AKAP6: variants seen among roughly 807,000 people sequenced by gnomAD.
AKAP6 encodes A-kinase anchoring protein 6, also known as A-kinase anchor protein 6.
Under a neutral mutation model 188.5 loss-of-function variants are expected in AKAP6, and 58 were observed. The ratio of observed to expected loss-of-function variants is 0.31; its 90% CI spans 0.25 to 0.38. The LOEUF (loss-of-function observed/expected upper bound fraction) is 0.38, where lower values mean the gene tolerates loss of function less well. Ranked by LOEUF, AKAP6 falls within the 10% of genes least tolerant of loss-of-function variation. The pLI is 1.00. For synonymous variants in AKAP6, 989 were observed against 998.6 expected, an observed-to-expected ratio of 0.99 and a Z score of 0.18; for missense variants, 2,710 against 2,740.0, an observed-to-expected ratio of 0.99 and a Z score of 0.24.
intron 1 of AKAP6, among the ~76,000 whole-genome samples, chr14:32,378,194 AG>A (rs5807652): frequency 0.92 from 140,767 of 152,210 alleles, 65,468 homozygotes; most frequent in East Asian, 1. Context: ...CATATTATAT[AG>A]GGGAAAAAAC....
intron 1 of AKAP6, among the ~76,000 whole-genome samples, chr14:32,405,909 T>G (rs181791149): frequency 6.6e-6 from 1 of 152,358 alleles, no homozygotes; most frequent in East Asian, 1.9e-4. Flanking sequence ...ATACACACTC[T>G]TTTAAATTTT....
At chr14:32,349,382 T>C (rs945463428) in intron 1 of AKAP6, among the ~76,000 whole-genome samples, 3 of 152,218 alleles carry the variant, frequency 2.0e-5, no homozygotes, top group Non-Finnish European at 1.5e-5. Context: ...TCTGCATAGA[T>C]GCTTGGAAAG....
chr14:32,381,363 G>A (rs1888354838), intron 1 of AKAP6, among the ~76,000 whole-genome samples: 1 of 151,900 alleles, frequency 6.6e-6, no homozygotes. Context: ...AATCAGTAAG[G>A]TCTTCTTATG....
intron 1 of AKAP6, among the ~76,000 whole-genome samples, chr14:32,360,753 A>G (rs528593662): frequency 0.016 from 1,375 of 83,610 alleles, 15 homozygotes; most frequent in Non-Finnish European, 0.024. Flanking sequence ...GTGTGTGTGC[A>G]TGCATTTTTT....
At chr14:32,790,331 A>G (rs1351875598) in intron 12 of AKAP6, among the ~76,000 whole-genome samples, 3 of 152,208 alleles carry the variant, frequency 2.0e-5, no homozygotes, top group Non-Finnish European at 1.5e-5. Context: ...TCCCCAACCT[A>G]CCAAGACAGG....
intron 1 of AKAP6, among the ~76,000 whole-genome samples, chr14:32,369,797 G>A (rs1234709758): frequency 1.3e-5 from 2 of 152,174 alleles, no homozygotes; most frequent in East Asian, 1.9e-4. Flanking sequence ...TTGGGAGGCC[G>A]AGGTGGGTGG....
intron 7 of AKAP6, among the ~76,000 whole-genome samples, chr14:32,628,843 T>G (rs962061498): frequency 6.6e-6 from 1 of 152,152 alleles, no homozygotes; most frequent in Non-Finnish European, 1.5e-5. Flanking sequence ...AAGGTAGCAG[T>G]ATCTGTGAAA....
At chr14:32,721,078 A>G (rs529595050) in intron 9 of AKAP6, among the ~76,000 whole-genome samples, 10 of 152,288 alleles carry the variant, frequency 6.6e-5, no homozygotes, top group Admixed American at 6.5e-4. Context: ...ACATAATTGC[A>G]TAACTATTTT....
At chr14:32,329,662 A>G (rs1886469328) in intron 1 of AKAP6, among the ~76,000 whole-genome samples, 1 of 152,148 alleles carries the variant, frequency 6.6e-6, no homozygotes, top group Non-Finnish European at 1.5e-5. Flanking sequence ...AGAATTTTTC[A>G]TAAACATAAG....
chr14:32,527,723 A>G (rs990533364), intron 2 of AKAP6, among the ~76,000 whole-genome samples: 1 of 151,960 alleles, frequency 6.6e-6, no homozygotes, highest in African/African-American at 2.4e-5. Context: ...CCATCTTTTC[A>G]TATTCTTATT....
At chr14:32,457,488 C>T (rs999058727) in intron 2 of AKAP6, among the ~76,000 whole-genome samples, 1 of 152,144 alleles carries the variant, frequency 6.6e-6, no homozygotes, top group Non-Finnish European at 1.5e-5. Context: ...CCTCTCCCAT[C>T]ATACCCAGTA....
intron 12 of AKAP6, among the ~76,000 whole-genome samples, chr14:32,783,144 C>T (rs926843749): frequency 6.6e-6 from 1 of 151,952 alleles, no homozygotes; most frequent in African/African-American, 2.4e-5. Context: ...AGTACAAAGG[C>T]AATTCAATGA....
chr14:32,797,802 C>T (rs2033817004), intron 12 of AKAP6, among the ~76,000 whole-genome samples: 1 of 151,438 alleles, frequency 6.6e-6, no homozygotes, highest in African/African-American at 2.4e-5. Context: ...AAAAACAACC[C>T]TAGAAGAAAA....
At chr14:32,786,453 G>A (rs966738558) in intron 12 of AKAP6, among the ~76,000 whole-genome samples, 41 of 150,254 alleles carry the variant, frequency 2.7e-4, no homozygotes, top group Non-Finnish European at 2.5e-4. Context: ...GACTACAGGC[G>A]CCCACCACCA....
intron 7 of AKAP6, among the ~76,000 whole-genome samples, chr14:32,657,337 G>A (rs12437429): frequency 0.23 from 34,531 of 152,060 alleles, 4,955 homozygotes; most frequent in South Asian, 0.36. Context: ...AGAGAGAAGC[G>A]CAACCCTCGG....
At chr14:32,795,223 C>A (rs2033730876) in intron 12 of AKAP6, among the ~76,000 whole-genome samples, 1 of 152,146 alleles carries the variant, frequency 6.6e-6, no homozygotes, top group Non-Finnish European at 1.5e-5. Flanking sequence ...GAGCTGGTGT[C>A]ATTTCTACAG....
chr14:32,592,808 C>A (rs1375196778), intron 5 of AKAP6, among the ~76,000 whole-genome samples: 1 of 152,094 alleles, frequency 6.6e-6, no homozygotes, highest in East Asian at 1.9e-4. Flanking sequence ...TTAACATTTC[C>A]CGTCATCTAT....
intron 7 of AKAP6, among the ~76,000 whole-genome samples, chr14:32,640,019 A>T (rs746701820): frequency 2.6e-5 from 4 of 152,188 alleles, no homozygotes; most frequent in Admixed American, 1.3e-4. Flanking sequence ...ATATAGATAC[A>T]TCTCAAGGCA....
intron 7 of AKAP6, among the ~76,000 whole-genome samples, chr14:32,641,491 A>G (rs940180268): frequency 1.3e-5 from 2 of 151,502 alleles, no homozygotes; most frequent in Non-Finnish European, 2.9e-5. Context: ...AAAAAAAAGA[A>G]AAGAAAAGAA....
Sources: gnomAD v4.1 joint callset for allele counts (sites outside exome capture counted in the v4.1 genomes callset) on GRCh38, gnomAD v4.1.1 for gene constraint, MANE v1.5 for transcripts, NCBI Gene and HGNC (gene_info 2026-07-23, HGNC 2026-07-21) for gene names.